Variants in TEX52 observed in about 807,000 individuals in gnomAD.
TEX52 encodes the protein testis-expressed protein 52.
Under a neutral mutation model 17.6 loss-of-function variants are expected in TEX52, and 22 were observed. The observed-to-expected ratio is 1.25, with a 90% CI of 0.89 to 1.78. TEX52 has a LOEUF of 1.78. Among genes scored for constraint, TEX52 ranks in the 40% most tolerant of loss-of-function variants. The pLI is 0.00. For synonymous variants in TEX52, 168 were observed against 147.4 expected, an observed-to-expected ratio of 1.14 and a Z score of -1.01; for missense variants, 396 against 372.3, an observed-to-expected ratio of 1.06 and a Z score of -0.52.
At chr12:2,855,527 T>C in intron 1 of TEX52, 81 bp from the exon 2 acceptor site, 3 of 1,120,696 alleles carry the variant, frequency 2.7e-6, no homozygotes, top group Non-Finnish European at 3.5e-6. Context: ...CCGCTCTCCT[T>C]CCCAGGCACG....
In TEX52 at chr12:2,855,077, T is replaced by C; in HGVS notation, c.442A>G (p.Asn148Asp). The C allele has an allele frequency of 1.3e-6, 2 of 1,535,934 alleles. No individual in the cohort carries two copies. The highest frequency in any genetic ancestry group is 3.9e-5 in the Admixed American group (2 of 50,980). The change falls in exon 2 of 3, where the codon AAC becomes GAC. Residue 148 changes from asparagine (N) to aspartate (D), a missense_variant. Physicochemically the swap from Asn to Asp is conservative, Grantham distance 23. Transcript: ENST00000637658. ...CAGTGGATGAAGGTCAGGAAGCTGTTTTGCCCCATCCAGGAGGGAGGGGGG... is the reference window on the plus strand; with the variant it reads ...CAGTGGATGAAGGTCAGGAAGCTGTCTTGCCCCATCCAGGAGGGAGGGGGG... The part of the protein sequence containing the change: ...PIPPPSWMGQ[N>D]SFLTFIHCYP...
chr12:2,848,877 G>GCGCACA (rs1555092608), downstream of TEX52, among the ~76,000 whole-genome samples: 1,412 of 140,356 alleles, frequency 0.01, 21 homozygotes, highest in African/African-American at 0.036. Flanking sequence ...ACACACACAC[G>GCGCACA]CACACACACA....
Position 2,849,541 on chromosome 12 carries a change from T to G in TEX52, c.624-16A>C. 1 of 1,535,638 alleles carries G rather than the reference T, an allele frequency of 6.5e-7. No homozygotes were observed. ...GTGCCGGTACCTGTTGGGAGAAGGG[T>G]ATGGAGAGAACAGAGAGATCAAAGA... On this transcript the variant is annotated splice_polypyrimidine_tract_variant and intron_variant, in intron 2 of 2. Coordinates refer to ENST00000637658, the MANE Select transcript of TEX52 (RefSeq NM_001365174.2).
Position 2,855,130 on chromosome 12 carries a change from T to C in TEX52, c.389A>G (p.His130Arg). 1 of 1,532,914 alleles carries C rather than the reference T, an allele frequency of 6.5e-7. No homozygotes were observed. The highest frequency in any genetic ancestry group is 8.7e-7 in the Non-Finnish European group (1 of 1,144,900). 95.0% of individuals were successfully genotyped at this position (1,532,914 alleles called of 1,614,324 possible). A position where few individuals can be genotyped will look rare whatever the true frequency, so the allele number is the denominator to read the frequency against. Residue 130 changes from histidine to arginine, a missense_variant, in exon 2 of 3, where the codon CAC becomes CGC. By Grantham distance (29) the His-to-Arg change is conservative. Coordinates refer to ENST00000637658, the MANE Select transcript of TEX52 (RefSeq NM_001365174.2). ...VWRWLTDSNA[H>R]RCPPTEHPIP... is the part of the protein sequence containing the mutation. Reference sequence around the variant, plus strand: ...GGGGTGCTCCGTGGGGGGGCATCTGTGGGCATTGGAGTCGGTCAGCCAGCG... The same window carrying C: ...GGGGTGCTCCGTGGGGGGGCATCTGCGGGCATTGGAGTCGGTCAGCCAGCG...
chr12:2,851,363 AT>A (rs1348714183), intron 2 of TEX52, among the ~76,000 whole-genome samples: 4 of 152,046 alleles, frequency 2.6e-5, no homozygotes, highest in African/African-American at 4.8e-5. Context: ...TTATTTTGAG[AT>A]GGAGTCTGAC....
chr12:2,849,595 G>A (rs1042543910), intron 2 of TEX52, 70 bp from the exon 3 acceptor site: 2 of 1,499,968 alleles, frequency 1.3e-6, no homozygotes, highest in Non-Finnish European at 1.8e-6. Context: ...GAGAGACGGG[G>A]AAGGGGAAGG....
intron 2 of TEX52, among the ~76,000 whole-genome samples, chr12:2,850,915 G>T (rs899622941): frequency 2.3e-4 from 34 of 149,832 alleles, no homozygotes; most frequent in African/African-American, 7.4e-4. Flanking sequence ...CAAGTGATTC[G>T]CCCGCCTTGG....
intron 2 of TEX52, among the ~76,000 whole-genome samples, chr12:2,853,025 AC>A (rs2098076050): frequency 6.6e-6 from 1 of 151,992 alleles, no homozygotes; most frequent in Non-Finnish European, 1.5e-5. Flanking sequence ...ACAAAAAAAA[AC>A]GGGGTTAATG....
At chr12:2,856,290 CCTTA>C (rs1279182728) in intron 1 of TEX52, among the ~76,000 whole-genome samples, 1 of 152,150 alleles carries the variant, frequency 6.6e-6, no homozygotes, top group African/African-American at 2.4e-5. Context: ...AATGAAATGG[CCTTA>C]CTTAGCACAG....
intron 2 of TEX52, among the ~76,000 whole-genome samples, chr12:2,853,260 A>T (rs1221353485): frequency 2.0e-5 from 3 of 151,918 alleles, no homozygotes; most frequent in Admixed American, 6.6e-5. Flanking sequence ...GATCTCTCAA[A>T]GTCACCAACC....
chr12:2,853,480 C>T (rs2098077607), intron 2 of TEX52, among the ~76,000 whole-genome samples: 1 of 152,100 alleles, frequency 6.6e-6, no homozygotes, highest in Non-Finnish European at 1.5e-5. Flanking sequence ...ACCATGTTGG[C>T]CAGGCTGGTC....
chr12:2,854,706 C>A (rs2098081729), intron 2 of TEX52, among the ~76,000 whole-genome samples, 190 bp downstream of exon 2: 1 of 152,168 alleles, frequency 6.6e-6, no homozygotes, highest in Non-Finnish European at 1.5e-5. Flanking sequence ...TAGTGAAACT[C>A]CCTGCCTCCA....
Position 2,855,222 on chromosome 12 carries a change from G to T in TEX52, c.297C>A (p.Leu99=). ...AQHTWGFHTW[L]DVCRLPATFP... Reference sequence around the variant, plus strand: ...AGGTGGCAGGCAGACGGCACACATCGAGCCACGTGTGAAAGCCCCAGGTGT... The same window carrying T: ...AGGTGGCAGGCAGACGGCACACATCTAGCCACGTGTGAAAGCCCCAGGTGT... Residue 99 remains leucine (L), a synonymous_variant, in exon 2 of 3, where the codon CTC becomes CTA. Coordinates refer to ENST00000637658, the MANE Select transcript of TEX52 (RefSeq NM_001365174.2). 1 of 1,505,808 alleles carries T rather than the reference G, an allele frequency of 6.6e-7. No homozygotes were observed. The highest frequency in any genetic ancestry group is 8.9e-7 in the Non-Finnish European group (1 of 1,128,170). The allele number at this position is 1,505,808 out of a possible 1,614,324, so 93.3% of individuals were successfully genotyped here.
rs903978022 is a variant in TEX52 at position 2,854,344 on chromosome 12, C to G, written c.623+552G>C. 3.3e-5 allele frequency among the ~76,000 whole-genome samples: 5 copies of G among 152,322 alleles called. No homozygotes were observed. In the East Asian group the frequency reaches 9.7e-4, roughly 29 times the overall value. On this transcript the variant is annotated intron_variant, in intron 2 of 2. Coordinates refer to ENST00000637658, the MANE Select transcript of TEX52 (RefSeq NM_001365174.2). ...CCTGCCATAACATCTAACTTTTGTT[C>G]AGTTCTTCCACATATTCACTAGCTC...
chr12:2,848,885 A>G (rs2098061016), downstream of TEX52, among the ~76,000 whole-genome samples: 1 of 149,964 alleles, frequency 6.7e-6, no homozygotes, highest in Non-Finnish European at 1.5e-5. Flanking sequence ...ACGCACACAC[A>G]CACACACACA....
chr12:2,856,999 T>G lies in TEX52; in HGVS notation c.28A>C (p.Arg10=). 3 of 703,000 alleles carry G rather than the reference T, an allele frequency of 4.3e-6. No homozygotes were observed. Among genetic ancestry groups the G allele is most frequent in the Non-Finnish European group, 7.8e-6 (3 of 384,976 alleles). The allele number at this position is 703,000 out of a possible 1,614,324, so 43.5% of individuals were successfully genotyped here. A position where few individuals can be genotyped will look rare whatever the true frequency, so the allele number is the denominator to read the frequency against. The change falls in exon 1 of 3, where the codon AGA becomes CGA. Residue 10 remains arginine (R), a synonymous_variant. Coordinates refer to ENST00000637658, the MANE Select transcript of TEX52 (RefSeq NM_001365174.2). ...ATATGAGATGGGTGACTGGGCCCTC[T>G]GAGTGATCTTTGCCGGTTACTGGCC... is the stretch of plus-strand genomic sequence containing the variant. The part of the protein sequence containing the change: MASNRQRSL[R]GPSHPSHMEE...
chr12:2,855,305 C>A lies in TEX52; in HGVS notation c.214G>T (p.Asp72Tyr). ...QLALKLPPCTDMKSKVRQRLI... is the reference protein window; with the variant it reads ...QLALKLPPCTYMKSKVRQRLI... ...CGCTGACGCACCTTGGACTTCATAT[C>A]TGTGCAGGGCGGCAGCTTCAGAGCC... Residue 72 changes from aspartate (D) to tyrosine (Y), a missense_variant, in exon 2 of 3, where the codon GAT becomes TAT. Asp to Tyr is a radical substitution (Grantham distance 160). Coordinates refer to ENST00000637658, the MANE Select transcript of TEX52 (RefSeq NM_001365174.2). 6.5e-7 allele frequency: 1 copy of A among 1,528,220 alleles called. No individual in the cohort carries two copies. Among genetic ancestry groups the A allele is most frequent in the Non-Finnish European group, 8.8e-7 (1 of 1,140,818 alleles). 94.7% of individuals were successfully genotyped at this position (1,528,220 alleles called of 1,614,324 possible). A position where few individuals can be genotyped will look rare whatever the true frequency, so the allele number is the denominator to read the frequency against.
chr12:2,855,415 G>A lies in TEX52; in HGVS notation c.104C>T (p.Ser35Phe), dbSNP rs2098084270. 7.1e-7 allele frequency: 1 copy of A among 1,411,872 alleles called. No individual in the cohort carries two copies. Among genetic ancestry groups the A allele is most frequent in the South Asian group, 1.3e-5 (1 of 75,742 alleles). The allele number at this position is 1,411,872 out of a possible 1,614,324, so 87.5% of individuals were successfully genotyped here. The change falls in exon 2 of 3, where the codon TCC becomes TTC. Residue 35 changes from serine (S) to phenylalanine (F), a missense_variant. By Grantham distance (155) the Ser-to-Phe change is radical (BLOSUM62 -2). Transcript: ENST00000637658. The part of the protein sequence containing the change: ...MVQASESLPP[S>F]QTWAQREFFL... ...GAACTCACGCTGAGCCCACGTTTGGGAGGGTGGGAGGGACTCGCTGGCCTG... is the reference window on the plus strand; with the variant it reads ...GAACTCACGCTGAGCCCACGTTTGGAAGGGTGGGAGGGACTCGCTGGCCTG...
rs2098079796 is a variant in TEX52, at chr12:2,854,091, T to C, written c.623+805A>G. Among the ~76,000 whole-genome samples, 3 of 152,348 alleles carry C rather than the reference T, an allele frequency of 2.0e-5. No homozygotes were observed. In the South Asian group the frequency reaches 6.2e-4, roughly 32 times the overall value. On this transcript the variant is annotated intron_variant, in intron 2 of 2. Transcript: ENST00000637658. ...CCCCGGCTGGAGTGCAATGGCACCA[T>C]CTTGGCTCACTGCAACCTCCGCCTC... is the stretch of plus-strand genomic sequence containing the variant.
Sources: allele counts gnomAD v4.1 joint callset (sites outside exome capture counted in the v4.1 genomes callset), GRCh38; gene constraint gnomAD v4.1.1; transcripts MANE v1.5; gene names NCBI Gene and HGNC (gene_info 2026-07-23, HGNC 2026-07-21).